Variants in ESRRG observed in about 807,000 individuals in gnomAD.
The protein encoded by ESRRG is estrogen-related receptor gamma.
ESRRG carries 13 observed loss-of-function variants against 44.0 expected under a neutral mutation model. That is an observed-to-expected ratio of 0.30 (90% CI 0.19 to 0.47). ESRRG has a LOEUF of 0.47. Ranked by LOEUF, ESRRG falls within the 20% of genes least tolerant of loss-of-function variation. The pLI is 1.00. For synonymous variants in ESRRG, 215 were observed against 214.6 expected (o/e 1.00, Z -0.02); for missense variants, 395 against 580.6 (o/e 0.68, Z 3.29).
At chr1:217,108,674 G>A (rs2092627072) in intron 1 of ESRRG, among the ~76,000 whole-genome samples, 1 of 151,810 alleles carries the variant, frequency 6.6e-6, no homozygotes, top group African/African-American at 2.4e-5. Flanking sequence ...TCTTGCTTCT[G>A]CTTCACCATG....
At chr1:216,873,906 G>T (rs1429531631) in intron 2 of ESRRG, among the ~76,000 whole-genome samples, 2 of 64,988 alleles carry the variant, frequency 3.1e-5, no homozygotes, top group African/African-American at 1.3e-4. Flanking sequence ...GGGAAGGGAA[G>T]GGAAGGGAAG....
At chr1:216,875,853 C>G (rs777986271) in intron 2 of ESRRG, among the ~76,000 whole-genome samples, 66 of 152,032 alleles carry the variant, frequency 4.3e-4, no homozygotes, top group Non-Finnish European at 7.8e-4. Context: ...GAGTGGTTTT[C>G]CCAATCTACA....
intron 3 of ESRRG, among the ~76,000 whole-genome samples, chr1:216,589,427 T>A (rs1001569955): frequency 6.6e-6 from 1 of 152,106 alleles, no homozygotes; most frequent in African/African-American, 2.4e-5. Context: ...TCATATGTGG[T>A]CCAAGACAAT....
rs528211611 is a variant in ESRRG at position 216,632,538 on chromosome 1, A to T, written c.589+18435T>A. 1.6e-4 allele frequency among the ~76,000 whole-genome samples: 25 copies of T among 152,310 alleles called. No homozygotes were observed. In the East Asian group the frequency reaches 4.4e-3, roughly 27 times the overall value. On this transcript the variant is annotated intron_variant, in intron 3 of 6. Coordinates refer to ENST00000408911, the MANE Select transcript of ESRRG (RefSeq NM_001438.4). ...ACATGACTAGAATGTTTTCTTAACT[A>T]AAAATTAATATATTTTGGTGGTTGA... is the stretch of plus-strand genomic sequence containing the variant.
intron 3 of ESRRG, among the ~76,000 whole-genome samples, chr1:216,588,205 C>G (rs1275581273): frequency 6.6e-6 from 1 of 152,104 alleles, no homozygotes; most frequent in Non-Finnish European, 1.5e-5. Context: ...TGATGGATGT[C>G]CATTGATAAT....
intron 5 of ESRRG, among the ~76,000 whole-genome samples, chr1:216,542,963 G>C (rs548230527): frequency 6.6e-6 from 1 of 152,090 alleles, no homozygotes; most frequent in Admixed American, 6.6e-5. Context: ...ATGTACAGCA[G>C]TGTTTTTGAA....
At chr1:216,948,708 G>T (rs1044520473) in intron 1 of ESRRG, among the ~76,000 whole-genome samples, 4 of 152,150 alleles carry the variant, frequency 2.6e-5, no homozygotes, top group Admixed American at 2.6e-4. Context: ...TTAATCACTT[G>T]TATGTGTTAC....
intron 2 of ESRRG, among the ~76,000 whole-genome samples, chr1:216,670,930 A>C (rs2075051494): frequency 6.6e-6 from 1 of 152,200 alleles, no homozygotes; most frequent in Non-Finnish European, 1.5e-5. Context: ...CTCCCAGGCT[A>C]TTATGAAGGT....
chr1:217,040,916 C>G (rs964006173), intron 1 of ESRRG, among the ~76,000 whole-genome samples: 2 of 152,150 alleles, frequency 1.3e-5, no homozygotes, highest in Non-Finnish European at 2.9e-5. Context: ...GAAATACATA[C>G]CAGATCAATT....
At chr1:216,581,719 A>C (rs1229051683) in intron 3 of ESRRG, among the ~76,000 whole-genome samples, 1 of 152,230 alleles carries the variant, frequency 6.6e-6, no homozygotes, top group Non-Finnish European at 1.5e-5. Flanking sequence ...GGACACAGCC[A>C]CTGCTCAGTG....
chr1:216,971,830 T>C (rs1266181266), intron 1 of ESRRG, among the ~76,000 whole-genome samples: 1 of 152,214 alleles, frequency 6.6e-6, no homozygotes, highest in Admixed American at 6.6e-5. Flanking sequence ...GTAGACATTG[T>C]CTTCTTTTAA....
intron 5 of ESRRG, among the ~76,000 whole-genome samples, chr1:216,544,109 A>G (rs1416066524): frequency 6.6e-6 from 1 of 152,070 alleles, no homozygotes; most frequent in Admixed American, 6.6e-5. Flanking sequence ...GGGATGTTGT[A>G]GGTATCAAAT....
chr1:216,980,553 A>G (rs532495766), intron 1 of ESRRG, among the ~76,000 whole-genome samples: 3 of 152,050 alleles, frequency 2.0e-5, no homozygotes, highest in Admixed American at 1.3e-4. Flanking sequence ...GACCTCTCCA[A>G]CTCCACGGGA....
chr1:216,977,653 C>T (rs1452474146), intron 1 of ESRRG, among the ~76,000 whole-genome samples: 1 of 152,104 alleles, frequency 6.6e-6, no homozygotes, highest in African/African-American at 2.4e-5. Context: ...TTCTAGGCAC[C>T]ATTTATCATG....
chr1:217,048,154 C>T (rs925371940), intron 1 of ESRRG, among the ~76,000 whole-genome samples: 3 of 152,116 alleles, frequency 2.0e-5, no homozygotes, highest in African/African-American at 7.2e-5. Flanking sequence ...AGGGTAGCTT[C>T]CCAGTTGTCT....
chr1:216,881,904 A>G (rs1361759564), intron 2 of ESRRG, among the ~76,000 whole-genome samples: 13 of 152,126 alleles, frequency 8.5e-5, no homozygotes, highest in Admixed American at 8.5e-4. Context: ...TCATGTTTTC[A>G]AAGTACAGAA....
At chr1:216,891,947 C>A (rs2057856296) in intron 2 of ESRRG, among the ~76,000 whole-genome samples, 1 of 151,874 alleles carries the variant, frequency 6.6e-6, no homozygotes, top group African/African-American at 2.4e-5. Context: ...GCTGGGACAA[C>A]AGGCATGTGC....
intron 5 of ESRRG, among the ~76,000 whole-genome samples, chr1:216,549,280 G>A (rs10495027): frequency 0.28 from 43,144 of 151,882 alleles, 7,238 homozygotes; most frequent in Admixed American, 0.39. Flanking sequence ...CGTAAGATCA[G>A]TGATGGAAAA....
chr1:217,013,879 A>G (rs1296199809), intron 1 of ESRRG, among the ~76,000 whole-genome samples: 1 of 152,160 alleles, frequency 6.6e-6, no homozygotes, highest in African/African-American at 2.4e-5. Flanking sequence ...AGAGTGAATG[A>G]GGAGGGTAAA....
Sources: gnomAD v4.1 joint callset for allele counts (sites outside exome capture counted in the v4.1 genomes callset) on GRCh38, gnomAD v4.1.1 for gene constraint, MANE v1.5 for transcripts, NCBI Gene and HGNC (gene_info 2026-07-23, HGNC 2026-07-21) for gene names.